STX8: variants seen among roughly 807,000 people sequenced by gnomAD.
STX8 encodes the protein syntaxin-8.
In STX8, 23 loss-of-function variants were observed where a neutral mutation model predicts 37.5. That is an observed-to-expected ratio of 0.61 (90% CI 0.44 to 0.87). The LOEUF is 0.87. STX8 is among the 40% of genes least tolerant of loss of function. The pLI is 0.00. For missense variants in STX8, 313 were observed against 284.7 expected, an observed-to-expected ratio of 1.10 and a Z score of -0.71; for synonymous variants, 115 against 99.1, an observed-to-expected ratio of 1.16 and a Z score of -0.95.
intron 5 of STX8, among the ~76,000 whole-genome samples, chr17:9,500,166 TAATTTCACTGTGAAAAGGG>T (rs1567587767): frequency 3.3e-5 from 5 of 152,210 alleles, no homozygotes; most frequent in Admixed American, 6.5e-5. Context: ...ACTGACTCAA[TAATTTCACTGTGAAAAGGG>T]AATTCGAAAT....
At chr17:9,453,487 CTTTTTTTTT>C (rs1168841037) in intron 6 of STX8, among the ~76,000 whole-genome samples, 1 of 112,246 alleles carries the variant, frequency 8.9e-6, no homozygotes, top group East Asian at 2.8e-4. Context: ...CACTACTCAT[CTTTTTTTTT>C]TTTTTTTTTT....
At chr17:9,283,536 T>C (rs1907965807) in intron 7 of STX8, among the ~76,000 whole-genome samples, 1 of 152,152 alleles carries the variant, frequency 6.6e-6, no homozygotes, top group Non-Finnish European at 1.5e-5. Flanking sequence ...CGAGACTCCA[T>C]CTCAAACAAA....
chr17:9,423,551 C>T (rs560713189), intron 6 of STX8, among the ~76,000 whole-genome samples: 1 of 152,312 alleles, frequency 6.6e-6, no homozygotes, highest in African/African-American at 2.4e-5. Flanking sequence ...GTCTCAACCT[C>T]CTGACCTTGT....
chr17:9,324,907 G>C (rs1909704949), intron 7 of STX8, among the ~76,000 whole-genome samples: 1 of 152,136 alleles, frequency 6.6e-6, no homozygotes, highest in Non-Finnish European at 1.5e-5. Context: ...ACTTCGAGAT[G>C]ATGCAAAGGC....
chr17:9,306,854 G>A (rs1263305583), intron 7 of STX8, among the ~76,000 whole-genome samples: 1 of 152,028 alleles, frequency 6.6e-6, no homozygotes, highest in Non-Finnish European at 1.5e-5. Flanking sequence ...CGCCGGGCAT[G>A]GTGGCTCACG....
chr17:9,351,912 G>A (rs547215797), intron 7 of STX8, among the ~76,000 whole-genome samples: 7 of 152,136 alleles, frequency 4.6e-5, no homozygotes, highest in African/African-American at 1.4e-4. Flanking sequence ...GCTTTGGGAG[G>A]CCGACTTGGG....
intron 7 of STX8, among the ~76,000 whole-genome samples, chr17:9,309,161 T>C (rs1207767756): frequency 1.3e-5 from 2 of 152,156 alleles, no homozygotes; most frequent in Non-Finnish European, 2.9e-5. Flanking sequence ...TCCAGAGCTC[T>C]TTGCAAAACT....
rs116842036 is a variant in STX8, at chr17:9,483,339, G to A, written c.541+8490C>T. On this transcript the variant is annotated intron_variant, in intron 6 of 7. Transcript: ENST00000306357. Reference sequence around the variant, plus strand: ...AGTCACTGCACTGCTTCAATCTTCCGTTTCAAACTCCCTCTGCCTCCCCTT... The same window carrying A: ...AGTCACTGCACTGCTTCAATCTTCCATTTCAAACTCCCTCTGCCTCCCCTT... Among the ~76,000 whole-genome samples the A allele has an allele frequency of 4.1e-3, 627 of 152,226 alleles. 3 individuals are homozygous for A. The highest frequency in any genetic ancestry group is 6.5e-3 in the Non-Finnish European group (442 of 68,008).
intron 6 of STX8, among the ~76,000 whole-genome samples, chr17:9,444,227 G>T (rs980705701): frequency 6.6e-6 from 1 of 151,992 alleles, no homozygotes; most frequent in Non-Finnish European, 1.5e-5. Context: ...TGCCTCGAGC[G>T]GTCCTCCCAC....
chr17:9,362,260 G>A (rs951859706), intron 7 of STX8, among the ~76,000 whole-genome samples: 4 of 152,204 alleles, frequency 2.6e-5, no homozygotes, highest in East Asian at 3.9e-4. Flanking sequence ...AACCAGGGAG[G>A]CGGAGGTTGC....
intron 7 of STX8, among the ~76,000 whole-genome samples, chr17:9,296,650 C>T (rs1555591198): frequency 7.1e-6 from 1 of 140,272 alleles, no homozygotes; most frequent in African/African-American, 2.6e-5. Flanking sequence ...AAAAACAAAC[C>T]AAGGGCATTT....
intron 6 of STX8, among the ~76,000 whole-genome samples, chr17:9,442,989 A>G (rs1904721015): frequency 6.6e-6 from 1 of 152,208 alleles, no homozygotes. Context: ...AAAGCTGATG[A>G]AATGTGGAGA....
intron 7 of STX8, among the ~76,000 whole-genome samples, chr17:9,375,697 AACC>A: frequency 6.6e-6 from 1 of 152,316 alleles, no homozygotes; most frequent in Admixed American, 6.5e-5. Context: ...TAATGGCAAA[AACC>A]ACGTTTACTT....
chr17:9,379,302 C>G (rs1040350591), intron 6 of STX8, among the ~76,000 whole-genome samples: 1 of 150,498 alleles, frequency 6.6e-6, no homozygotes, highest in Admixed American at 6.6e-5. Flanking sequence ...ACTACCTGGG[C>G]CCTTCTTGAG....
At chr17:9,392,608 A>G (rs555019327) in intron 6 of STX8, among the ~76,000 whole-genome samples, 2 of 152,344 alleles carry the variant, frequency 1.3e-5, no homozygotes, top group South Asian at 4.1e-4. Flanking sequence ...CCCTGTTTCA[A>G]AAATACAAAG....
At position 9,252,567 on chromosome 17, in the gene STX8, C is replaced by CTG. The variant is rs1906624858; in HGVS notation, c.644-1923_644-1922insCA. Reference sequence around the variant, plus strand: ...GAGGTTGCAGTGAGCTGAGATCACACCACTGCAATACAGCCTGTGCAACAA... The same window carrying CTG: ...GAGGTTGCAGTGAGCTGAGATCACACTGCACTGCAATACAGCCTGTGCAACAA... On this transcript the variant is annotated intron_variant, in intron 7 of 7. Coordinates refer to ENST00000306357, the MANE Select transcript of STX8 (RefSeq NM_004853.3). Among the ~76,000 whole-genome samples, 4 of 149,048 alleles carry CTG rather than the reference C, an allele frequency of 2.7e-5. No homozygotes were observed. The South Asian group carries it at 8.4e-4, about 31-fold the overall frequency.
chr17:9,449,493 G>A (rs900905920), intron 6 of STX8, among the ~76,000 whole-genome samples: 2 of 152,132 alleles, frequency 1.3e-5, no homozygotes, highest in East Asian at 1.9e-4. Context: ...CCCGGGGGAC[G>A]GAGCCTGCAG....
At position 9,532,180 on chromosome 17, in the gene STX8, G is replaced by T. The variant is rs566810540; in HGVS notation, c.323+12992C>A. ...TGGTGAGGGAAAAAAAAAAAAATCC[G>T]GACTAAGTAGCTACAGAGATCTCTT... is the stretch of plus-strand genomic sequence containing the variant. On this transcript the variant is annotated intron_variant, in intron 4 of 7. Transcript: ENST00000306357. 4.2e-4 allele frequency among the ~76,000 whole-genome samples: 63 copies of T among 151,630 alleles called. No individual in the cohort carries two copies. The South Asian group carries it at 0.01, about 25-fold the overall frequency.
intron 6 of STX8, 148 bp from the exon 7 acceptor site, chr17:9,378,801 C>A: frequency 1.7e-6 from 1 of 574,288 alleles, no homozygotes; most frequent in East Asian, 3.0e-5. Flanking sequence ...TTGAAAACTG[C>A]AATTCTGATT....
Sources: allele counts gnomAD v4.1 joint callset (sites outside exome capture counted in the v4.1 genomes callset), GRCh38; gene constraint gnomAD v4.1.1; transcripts MANE v1.5; gene names NCBI Gene and HGNC (gene_info 2026-07-23, HGNC 2026-07-21).